The following FOXF1 variants were observed in gnomAD, a reference collection of about 807,000 sequenced individuals.
FOXF1 encodes the protein forkhead box protein F1.
FOXF1 carries 9 observed loss-of-function variants against 26.6 expected under a neutral mutation model. The ratio of observed to expected loss-of-function variants is 0.34; its 90% CI spans 0.20 to 0.59. The LOEUF (loss-of-function observed/expected upper bound fraction) is 0.59, where lower values mean the gene tolerates loss of function less well. Ranked by LOEUF, FOXF1 falls within the 20% of genes least tolerant of loss-of-function variation. The pLI is 0.83. For synonymous variants in FOXF1, 330 were observed against 257.7 expected, an observed-to-expected ratio of 1.28 and a Z score of -2.69; for missense variants, 499 against 549.9, an observed-to-expected ratio of 0.91 and a Z score of 0.93.
rs748536076 is a variant in FOXF1, at chr16:86,511,323, G to A, written c.754G>A (p.Gly252Ser). The change falls in exon 1 of 2, where the codon GGC (glycine) becomes AGC (serine). Residue 252 changes from glycine to serine, a missense_variant. Gly to Ser is a moderately conservative substitution (Grantham distance 56). Coordinates refer to ENST00000262426, the MANE Select transcript of FOXF1 (RefSeq NM_001451.3). ...GCCCGCCTCCCCGCTGCTGCCCACC[G>A]GCGCCGGTGGGGTCATGGAGCCGCA... ...SVPASPLLPT[G>S]AGGVMEPHAV... 1.2e-5 allele frequency: 18 copies of A among 1,521,424 alleles called. No individual in the cohort carries two copies. The African/African-American group carries it at 1.4e-4, about 12-fold the overall frequency. The allele number at this position is 1,521,424 out of a possible 1,614,324, so 94.2% of individuals were successfully genotyped here.
chr16:86,511,206 G>C lies in FOXF1; in HGVS notation c.637G>C (p.Val213Leu). ...CGGCATGGCCCTGCCCAGCCACTCGGTGCCCCACCTGCCTTCCAACGGCGG... is the reference window on the plus strand; with the variant it reads ...CGGCATGGCCCTGCCCAGCCACTCGCTGCCCCACCTGCCTTCCAACGGCGG... The part of the protein sequence containing the change: ...VDGMALPSHS[V>L]PHLPSNGGHS... Residue 213 changes from valine (V) to leucine (L), a missense_variant, in exon 1 of 2, where the codon GTG (valine) becomes CTG (leucine). Val to Leu is a conservative substitution (Grantham distance 32, BLOSUM62 1). Coordinates refer to ENST00000262426, the MANE Select transcript of FOXF1 (RefSeq NM_001451.3). 6.4e-7 allele frequency: 1 copy of C among 1,550,856 alleles called. No individual in the cohort carries two copies. The highest frequency in any genetic ancestry group is 8.7e-7 in the Non-Finnish European group (1 of 1,155,122).
At chr16:86,512,653 G>A (rs1184449983) in intron 1 of FOXF1, among the ~76,000 whole-genome samples, 1 of 152,204 alleles carries the variant, frequency 6.6e-6, no homozygotes, top group Non-Finnish European at 1.5e-5. Context: ...GGAAGCCCTG[G>A]GCCCCTGCAC....
Position 86,514,252 on chromosome 16 carries a change from T to C in FOXF1, c.*1167T>C, listed in dbSNP as rs1468168735. On this transcript the variant is annotated 3_prime_UTR_variant, in exon 2 of 2. Transcript: ENST00000262426. ...TATAATATGAAGGACTACCCTCCTT[T>C]TTTTTTTTTGTATTTTGGCTGCTAG... is the stretch of plus-strand genomic sequence containing the variant. The C allele has an allele frequency of 9.6e-6, 1 of 103,686 alleles. No individual in the cohort carries two copies. Among genetic ancestry groups the C allele is most frequent in the Non-Finnish European group, 1.9e-5 (1 of 52,804 alleles). 6.4% of individuals were successfully genotyped at this position (103,686 alleles called of 1,614,324 possible).
chr16:86,510,531 A>AGCAGCGGCG lies in FOXF1; in HGVS notation c.-27_-19dup, dbSNP rs1298216632. The AGCAGCGGCG allele has an allele frequency of 1.2e-5, 16 of 1,285,434 alleles. 1 individual carries two copies. Among genetic ancestry groups the AGCAGCGGCG allele is most frequent in the African/African-American group, 4.7e-5 (3 of 63,476 alleles). The allele number at this position is 1,285,434 out of a possible 1,614,324, so 79.6% of individuals were successfully genotyped here. On this transcript the variant is annotated 5_prime_UTR_variant, in exon 1 of 2. Transcript: ENST00000262426. ...TCCTCCCGGCCCGTCCGCGGCGCAG[A>AGCAGCGGCG]GCAGCGGCGGCAGCGGCGGCGGCGG...
Position 86,513,853 on chromosome 16 carries a change from T to C in FOXF1, c.*768T>C, listed in dbSNP as rs948896048. The C allele has an allele frequency of 6.6e-6, 1 of 152,300 alleles. No homozygotes were observed. Among genetic ancestry groups the C allele is most frequent in the African/African-American group, 2.4e-5 (1 of 41,476 alleles). 9.4% of individuals were successfully genotyped at this position (152,300 alleles called of 1,614,324 possible). A position where few individuals can be genotyped will look rare whatever the true frequency, so the allele number is the denominator to read the frequency against. On this transcript the variant is annotated 3_prime_UTR_variant, in exon 2 of 2. Coordinates refer to ENST00000262426, the MANE Select transcript of FOXF1 (RefSeq NM_001451.3). Reference sequence around the variant, plus strand: ...CTCTTCTGTTATGTTTTGTCTTGAATTTTATTTAGACTTTTTCAGTGGGTA... The same window carrying C: ...CTCTTCTGTTATGTTTTGTCTTGAACTTTATTTAGACTTTTTCAGTGGGTA...
chr16:86,512,654 G>A (rs945081244), intron 1 of FOXF1, among the ~76,000 whole-genome samples: 2 of 152,220 alleles, frequency 1.3e-5, no homozygotes, highest in African/African-American at 4.8e-5. Context: ...GAAGCCCTGG[G>A]CCCCTGCACG....
intron 1 of FOXF1, 103 bp from the exon 2 acceptor site, chr16:86,512,822 G>T: frequency 7.2e-7 from 1 of 1,385,400 alleles, no homozygotes; most frequent in Non-Finnish European, 1.0e-6. Flanking sequence ...CAGGCTGACA[G>T]GCCCTGTGCG....
rs966055535 is a variant in FOXF1 at position 86,513,697 on chromosome 16, G to A, written c.*612G>A. 2.6e-5 allele frequency: 4 copies of A among 152,516 alleles called. No individual in the cohort carries two copies. Among genetic ancestry groups the A allele is most frequent in the African/African-American group, 7.2e-5 (3 of 41,532 alleles). 9.4% of individuals were successfully genotyped at this position (152,516 alleles called of 1,614,324 possible). ...CTCCGTGGACCACAGGTGGATCTTT[G>A]TGCGAACAACTTGCATTTCGGAAGC... is the stretch of plus-strand genomic sequence containing the variant. On this transcript the variant is annotated 3_prime_UTR_variant, in exon 2 of 2. Transcript: ENST00000262426.
At chr16:86,512,696 AG>A (rs1287422753) in intron 1 of FOXF1, among the ~76,000 whole-genome samples, 1 of 128,714 alleles carries the variant, frequency 7.8e-6, no homozygotes, top group African/African-American at 2.7e-5. Flanking sequence ...CGCAGCAGGC[AG>A]GCAGGCAGGC....
chr16:86,510,966 G>A lies in FOXF1; in HGVS notation c.397G>A (p.Glu133Lys). Residue 133 changes from glutamate (E) to lysine (K), a missense_variant, in exon 1 of 2, where the codon GAG (glutamate) becomes AAG (lysine). Physicochemically the swap from Glu to Lys is moderately conservative, Grantham distance 56 (BLOSUM62 1). This residue lies in a region of FOXF1 where 36 missense variants were observed against 73.7 expected (regional missense o/e 0.49). Transcript: ENST00000262426. Reference protein sequence around the residue: ...TIDPASEFMFEEGSFRRRPRG... With the variant: ...TIDPASEFMFKEGSFRRRPRG... Reference sequence around the variant, plus strand: ...CGACCCGGCCAGCGAGTTCATGTTCGAGGAGGGCTCCTTTCGGCGGCGGCC... The same window carrying A: ...CGACCCGGCCAGCGAGTTCATGTTCAAGGAGGGCTCCTTTCGGCGGCGGCC... The A allele has an allele frequency of 6.2e-7, 1 of 1,613,734 alleles. No homozygotes were observed. Among genetic ancestry groups the A allele is most frequent in the Non-Finnish European group, 8.5e-7 (1 of 1,180,030 alleles).
At position 86,513,008 on chromosome 16, in the gene FOXF1, T is replaced by C; in HGVS notation, c.1063T>C (p.Ser355Pro). The change falls in exon 2 of 2, where the codon TCC (serine) becomes CCC (proline). Residue 355 changes from serine (S) to proline (P), a missense_variant. Ser to Pro is a moderately conservative substitution (Grantham distance 74). This residue lies in a region of FOXF1 where 367 missense variants were observed against 324.8 expected (regional missense o/e 1.13). Transcript: ENST00000262426. ...CTCTTTCAACGCCATGGCGTCCTCT[T>C]CCATGCACTCGGCCGGCGGGGGCTC... is the stretch of plus-strand genomic sequence containing the variant. ...VFSFNAMASSSMHSAGGGSYY... is the reference protein window; with the variant it reads ...VFSFNAMASSPMHSAGGGSYY... 1.2e-6 allele frequency: 2 copies of C among 1,614,012 alleles called. No homozygotes were observed. The highest frequency in any genetic ancestry group is 1.7e-6 in the Non-Finnish European group (2 of 1,180,012).
rs1258203563 is a variant in FOXF1, at chr16:86,512,188, T to C, written c.979+640T>C. 2.0e-5 allele frequency among the ~76,000 whole-genome samples: 3 copies of C among 152,196 alleles called. No homozygotes were observed. In the East Asian group the frequency reaches 5.8e-4, roughly 29 times the overall value. On this transcript the variant is annotated intron_variant, in intron 1 of 1. Transcript: ENST00000262426. ...CATGGGGGCTCCTTGTTTTTTAGGA[T>C]CCAAGTTTTCAGGTCCCCACACCCC...
rs1018934793 is a variant in FOXF1 at position 86,515,042 on chromosome 16, T to C, written c.*1957T>C. 1 of 152,038 alleles carries C rather than the reference T, an allele frequency of 6.6e-6. No individual in the cohort carries two copies. The highest frequency in any genetic ancestry group is 1.5e-5 in the Non-Finnish European group (1 of 68,004). 9.4% of individuals were successfully genotyped at this position (152,038 alleles called of 1,614,324 possible). ...GTGCCTTGTTCTTGGTTTTCCCCGA[T>C]AGAAAATCAAGCAAAATCTAAATGA... On this transcript the variant is annotated 3_prime_UTR_variant, in exon 2 of 2. Transcript: ENST00000262426. This position sits in a 1 kb window ranked among gnomAD's most constrained non-coding sequence, Gnocchi z 4.1.
intron 1 of FOXF1, 28 bp downstream of exon 1, chr16:86,511,576 G>C: frequency 6.4e-7 from 1 of 1,562,222 alleles, no homozygotes; most frequent in East Asian, 2.3e-5. Context: ...GGGCGCCCTG[G>C]TCCCCGGGAA....
Position 86,515,164 on chromosome 16 carries a change from A to T in FOXF1, c.*2079A>T, listed in dbSNP as rs1184181965. 4 of 151,948 alleles carry T rather than the reference A, an allele frequency of 2.6e-5. No individual in the cohort carries two copies. Among genetic ancestry groups the T allele is most frequent in the Middle Eastern group, 6.8e-3 (2 of 294 alleles). The allele number at this position is 151,948 out of a possible 1,614,324, so 9.4% of individuals were successfully genotyped here. Reference sequence around the variant, plus strand: ...AGTTCGTCCTCTCTGGGGGAAAAATATTTTTTAACACTTGTACCTTCCACT... The same window carrying T: ...AGTTCGTCCTCTCTGGGGGAAAAATTTTTTTTAACACTTGTACCTTCCACT... On this transcript the variant is annotated 3_prime_UTR_variant, in exon 2 of 2. Transcript: ENST00000262426. The surrounding 1 kb of genome is among the most constrained non-coding windows in gnomAD (Gnocchi z 4.1).
chr16:86,511,626 C>T (rs942582673), intron 1 of FOXF1, 78 bp downstream of exon 1: 45 of 1,533,504 alleles, frequency 2.9e-5, no homozygotes, highest in Non-Finnish European at 3.5e-5. Context: ...TGGGGCGAGC[C>T]CCTCCACTTC....
At chr16:86,512,401 G>C (rs926636414) in intron 1 of FOXF1, among the ~76,000 whole-genome samples, 3 of 152,232 alleles carry the variant, frequency 2.0e-5, no homozygotes, top group African/African-American at 7.2e-5. Flanking sequence ...GCAGGAGCCA[G>C]GCCTGGAGGC....
In FOXF1 at chr16:86,513,268, C is replaced by A; in HGVS notation, c.*183C>A. On this transcript the variant is annotated 3_prime_UTR_variant, in exon 2 of 2. Coordinates refer to ENST00000262426, the MANE Select transcript of FOXF1 (RefSeq NM_001451.3). ...AGACACAGCGCTGCGGTTGGCACCT[C>A]CTTCCTCACTCCTTCAAAATTGTTA... The A allele has an allele frequency of 1.6e-6, 1 of 619,066 alleles. No homozygotes were observed. 38.3% of individuals were successfully genotyped at this position (619,066 alleles called of 1,614,324 possible).
intron 1 of FOXF1, among the ~76,000 whole-genome samples, chr16:86,511,938 C>T (rs995573036): frequency 1.3e-5 from 2 of 152,194 alleles, no homozygotes; most frequent in African/African-American, 4.8e-5. Flanking sequence ...CTGTCCCTCC[C>T]TGGTGGTGGC....
Sources: gnomAD v4.1 joint callset for allele counts (sites outside exome capture counted in the v4.1 genomes callset) on GRCh38, gnomAD v4.1.1 for gene constraint, gnomAD v4.1.1 regional missense constraint, Gnocchi (gnomAD v3.1) non-coding constraint, MANE v1.5 for transcripts, NCBI Gene and HGNC (gene_info 2026-07-23, HGNC 2026-07-21) for gene names.